Variants in MLPH observed in about 807,000 individuals in gnomAD.
MLPH encodes exophilin-3.
MLPH carries 51 observed loss-of-function variants against 72.1 expected under a neutral mutation model. The ratio of observed to expected loss-of-function variants is 0.71; its 90% CI spans 0.56 to 0.89. MLPH has a LOEUF of 0.89. Ranked by LOEUF, MLPH falls within the 40% of genes least tolerant of loss-of-function variation. The pLI is 0.00. For missense variants in MLPH, 743 were observed against 759.9 expected (o/e 0.98, Z 0.26); for synonymous variants, 301 against 310.1 (o/e 0.97, Z 0.31).
At chr2:237,547,083 C>T (rs956163649) in intron 13 of MLPH, among the ~76,000 whole-genome samples, 8 of 152,240 alleles carry the variant, frequency 5.3e-5, no homozygotes, top group Non-Finnish European at 1.2e-4. Context: ...CACCCACACC[C>T]GTCAGTCCTG....
In MLPH at chr2:237,553,558, C is replaced by T; in HGVS notation, c.1777-8C>T. The T allele has an allele frequency of 6.2e-7, 1 of 1,613,950 alleles. No homozygotes were observed. The highest frequency in any genetic ancestry group is 8.5e-7 in the Non-Finnish European group (1 of 1,179,970). ...GCTTATATGTGCATGTGTGTTTGTA[C>T]TTTACAGAAACCTGTGGTGGCCCAC... On this transcript the variant is annotated splice_region_variant and splice_polypyrimidine_tract_variant and intron_variant, in intron 15 of 15. Transcript: ENST00000264605.
chr2:237,535,688 G>C (rs995971196), intron 9 of MLPH, among the ~76,000 whole-genome samples: 14 of 152,126 alleles, frequency 9.2e-5, no homozygotes, highest in African/African-American at 3.4e-4. Flanking sequence ...CAGCCTTCTG[G>C]GCCACACAGA....
intron 9 of MLPH, among the ~76,000 whole-genome samples, chr2:237,538,708 G>T (rs545790188): frequency 1.3e-5 from 2 of 152,230 alleles, no homozygotes; most frequent in East Asian, 3.8e-4. Flanking sequence ...GAGTGATCCC[G>T]TCTGCAGCTT....
intron 4 of MLPH, among the ~76,000 whole-genome samples, chr2:237,514,470 G>A (rs77749882): frequency 0.026 from 3,876 of 151,390 alleles, 70 homozygotes; most frequent in South Asian, 0.08. Context: ...ATGTTTTATG[G>A]CTGGCTTTGG....
chr2:237,518,799 C>T (rs1161737430), intron 5 of MLPH, 151 bp downstream of exon 5: 2 of 705,418 alleles, frequency 2.8e-6, no homozygotes, highest in Non-Finnish European at 5.1e-6. Context: ...TGCCCTTTCC[C>T]AGGCCTCAGT....
chr2:237,546,488 C>T (rs1574913020), intron 12 of MLPH, 118 bp from the exon 13 acceptor site: 1 of 889,042 alleles, frequency 1.1e-6, no homozygotes, highest in Non-Finnish European at 1.9e-6. Context: ...GCAGTCCCAG[C>T]ATCCCCAACC....
intron 4 of MLPH, among the ~76,000 whole-genome samples, chr2:237,515,744 C>T (rs952127783): frequency 6.6e-6 from 1 of 152,060 alleles, no homozygotes; most frequent in South Asian, 2.1e-4. Flanking sequence ...AGGGGTGGGA[C>T]CCAGCCCTCC....
In MLPH at chr2:237,553,624, C is replaced by A. The variant is rs1181944479; in HGVS notation, c.*32C>A. ...AGGACAGAGAGACAGAGCAGCCCTGCACTGTTTTCCCTCCACCACAGCCAT... is the reference window on the plus strand; with the variant it reads ...AGGACAGAGAGACAGAGCAGCCCTGAACTGTTTTCCCTCCACCACAGCCAT... On this transcript the variant is annotated 3_prime_UTR_variant, in exon 16 of 16. Transcript: ENST00000264605. 6.2e-7 allele frequency: 1 copy of A among 1,614,092 alleles called. No individual in the cohort carries two copies. Among genetic ancestry groups the A allele is most frequent in the African/African-American group, 1.3e-5 (1 of 74,942 alleles).
intron 4 of MLPH, among the ~76,000 whole-genome samples, chr2:237,513,957 T>C (rs898791981): frequency 4.6e-5 from 7 of 152,236 alleles, no homozygotes; most frequent in Admixed American, 1.3e-4. Context: ...GGCAGATTCA[T>C]TGGACAAAAG....
chr2:237,513,618 G>A (rs569844212), intron 4 of MLPH, among the ~76,000 whole-genome samples: 2 of 151,802 alleles, frequency 1.3e-5, no homozygotes, highest in South Asian at 2.1e-4. Context: ...TTGCCCCCTT[G>A]GCCCAAGTGC....
At chr2:237,502,779 G>T (rs1279360070) in intron 2 of MLPH, among the ~76,000 whole-genome samples, 1 of 152,080 alleles carries the variant, frequency 6.6e-6, no homozygotes, top group South Asian at 2.1e-4. Flanking sequence ...ATCTGTGAAG[G>T]GTCTCCTAGT....
chr2:237,527,471 C>A lies in MLPH; in HGVS notation c.975C>A (p.Ala325=), dbSNP rs753289195. The A allele has an allele frequency of 1.2e-6, 2 of 1,614,180 alleles. No homozygotes were observed. The highest frequency in any genetic ancestry group is 2.2e-5 in the East Asian group (1 of 44,884). The part of the protein sequence containing the change: ...DEESIRAHVM[A]SHHSKRRGRA... ...AAAGCATCCGGGCTCACGTGATGGC[C>A]TCCCACCATTCCAAGCGGAGAGGCC... The change falls in exon 8 of 16, where the codon GCC becomes GCA. Residue 325 remains alanine, a synonymous_variant. Transcript: ENST00000264605.
At chr2:237,549,426 G>A (rs536329964) in intron 14 of MLPH, 148 bp downstream of exon 14, 316 of 857,134 alleles carry the variant, frequency 3.7e-4, no homozygotes, top group Non-Finnish European at 5.5e-4. Context: ...AGTGCCGCTC[G>A]GGCCACCCTC....
intron 10 of MLPH, 111 bp from the exon 11 acceptor site, chr2:237,540,691 A>G (rs1175990157): frequency 1.3e-6 from 2 of 1,532,264 alleles, no homozygotes; most frequent in East Asian, 4.8e-5. Flanking sequence ...GCTCCTGACC[A>G]ACCAGCTCCC....
In MLPH at chr2:237,493,498, A is replaced by G. The variant is rs2079470212; in HGVS notation, c.72A>G (p.Arg24=). The G allele has an allele frequency of 1.2e-6, 2 of 1,613,896 alleles. No individual in the cohort carries two copies. The highest frequency in any genetic ancestry group is 2.7e-5 in the African/African-American group (2 of 74,916). Residue 24 remains arginine, a synonymous_variant, in exon 2 of 16, where the codon CGA becomes CGG. Coordinates refer to ENST00000264605, the MANE Select transcript of MLPH (RefSeq NM_024101.7). ...AGCATGTCTTGGAAGTTGTTCAACG[A>G]GATTTTGACCTCCGAAGGAAAGAAG... ...EAQHVLEVVQ[R]DFDLRRKEEE... is the part of the protein sequence containing the mutation.
chr2:237,501,664 TAAAAAAAAAAAA>T (rs58268748), intron 2 of MLPH, among the ~76,000 whole-genome samples: 2 of 63,552 alleles, frequency 3.1e-5, no homozygotes, highest in East Asian at 3.7e-4. Flanking sequence ...ACGTCTCTAC[TAAAAAAAAAAAA>T]AAAAAAAAAA....
intron 8 of MLPH, among the ~76,000 whole-genome samples, chr2:237,532,835 A>T (rs754946067): frequency 6.6e-6 from 1 of 152,246 alleles, no homozygotes; most frequent in Non-Finnish European, 1.5e-5. Context: ...AAATCTCTCC[A>T]TAAGGGTAGC....
chr2:237,540,846 C>G lies in MLPH; in HGVS notation c.1335C>G (p.Pro445=). The G allele has an allele frequency of 6.2e-7, 1 of 1,613,370 alleles. No homozygotes were observed. Among genetic ancestry groups the G allele is most frequent in the East Asian group, 2.2e-5 (1 of 44,864 alleles). Residue 445 remains proline, a synonymous_variant, in exon 11 of 16, where the codon CCC becomes CCG. Transcript: ENST00000264605. The part of the protein sequence containing the change: ...AHQTNRQEKS[P]QDPGDPVQYN... ...AAACCAACAGACAGGAAAAAAGCCCCCAGGACCCTGGGGACCCCGTCCAGT... is the reference window on the plus strand; with the variant it reads ...AAACCAACAGACAGGAAAAAAGCCCGCAGGACCCTGGGGACCCCGTCCAGT...
At position 237,502,406 on chromosome 2, in the gene MLPH, G is replaced by A. The variant is rs144379503; in HGVS notation, c.111-8168G>A. Among the ~76,000 whole-genome samples the A allele has an allele frequency of 3.5e-3, 540 of 152,306 alleles. 2 individuals carry two copies. Among genetic ancestry groups the A allele is most frequent in the African/African-American group, 0.012 (519 of 41,560 alleles). On this transcript the variant is annotated intron_variant, in intron 2 of 15. Coordinates refer to ENST00000264605, the MANE Select transcript of MLPH (RefSeq NM_024101.7). The stretch of plus-strand genomic sequence containing the variant: ...AAGGGACCTGGGGCTGTGCACAAAA[G>A]GAGCAGGCCTCCTCCTGGGCACCCT...
Sources: allele counts gnomAD v4.1 joint callset (sites outside exome capture counted in the v4.1 genomes callset), GRCh38; gene constraint gnomAD v4.1.1; transcripts MANE v1.5; gene names NCBI Gene and HGNC (gene_info 2026-07-23, HGNC 2026-07-21).